GTF3C1: variants seen among roughly 807,000 people sequenced by gnomAD.
The protein encoded by GTF3C1 is general transcription factor IIIC subunit 1, also known as general transcription factor 3C polypeptide 1.
Under a neutral mutation model 226.7 loss-of-function variants are expected in GTF3C1, and 57 were observed. That is an observed-to-expected ratio of 0.25 (90% confidence interval 0.20 to 0.31). The LOEUF (loss-of-function observed/expected upper bound fraction) is 0.31, where lower values mean the gene tolerates loss of function less well. GTF3C1 is among the 10% of genes least tolerant of loss of function. The pLI is 1.00. For synonymous variants in GTF3C1, 1,090 were observed against 1,084.8 expected, an observed-to-expected ratio of 1.00 and a Z score of -0.09; for missense variants, 2,217 against 2,776.1, an observed-to-expected ratio of 0.80 and a Z score of 4.53.
At chr16:27,548,414 G>C (rs887725552) in intron 1 of GTF3C1, among the ~76,000 whole-genome samples, 2 of 152,076 alleles carry the variant, frequency 1.3e-5, no homozygotes, top group Non-Finnish European at 2.9e-5. Context: ...ATACAGGCAT[G>C]CGCCACCACG....
chr16:27,527,257 C>T (rs1352569089), intron 6 of GTF3C1, among the ~76,000 whole-genome samples: 1 of 152,258 alleles, frequency 6.6e-6, no homozygotes, highest in African/African-American at 2.4e-5. Context: ...TCTCAGCTCA[C>T]TGCAACCTCT....
chr16:27,503,131 G>C lies in GTF3C1; in HGVS notation c.1771-136C>G, dbSNP rs1283883476. On this transcript the variant is annotated intron_variant, in intron 10 of 36. Coordinates refer to ENST00000356183, the MANE Select transcript of GTF3C1 (RefSeq NM_001520.4). ...TTCAAGAAGGGAAGCCAAGAAGCCT[G>C]TTCTCCTACACAGAATCCCACTACT... 4 of 633,486 alleles carry C rather than the reference G, an allele frequency of 6.3e-6. No homozygotes were observed. In the East Asian group the frequency reaches 1.1e-4, roughly 17 times the overall value. The allele number at this position is 633,486 out of a possible 1,614,324, so 39.2% of individuals were successfully genotyped here. A position where few individuals can be genotyped will look rare whatever the true frequency, so the allele number is the denominator to read the frequency against.
intron 4 of GTF3C1, among the ~76,000 whole-genome samples, chr16:27,536,139 ATTTTC>A (rs2141451618): frequency 6.6e-6 from 1 of 152,332 alleles, no homozygotes; most frequent in Non-Finnish European, 1.5e-5. Flanking sequence ...TTGTAAACGT[ATTTTC>A]TTAATAACAT....
chr16:27,465,668 G>T, intron 32 of GTF3C1, 128 bp from the exon 33 acceptor site: 1 of 729,446 alleles, frequency 1.4e-6, no homozygotes, highest in African/African-American at 1.8e-5. Context: ...AGCCACAGGG[G>T]TCACCTGCTG....
intron 12 of GTF3C1, among the ~76,000 whole-genome samples, chr16:27,499,736 G>C (rs182052972): frequency 3.9e-5 from 6 of 152,312 alleles, no homozygotes; most frequent in African/African-American, 1.4e-4. Context: ...CAAAGGCAAG[G>C]GAGAAATATA....
intron 1 of GTF3C1, among the ~76,000 whole-genome samples, chr16:27,546,012 C>T: frequency 6.6e-6 from 1 of 152,086 alleles, no homozygotes; most frequent in East Asian, 1.9e-4. Context: ...CCACGCCCGG[C>T]TAATTTTGTA....
At chr16:27,491,050 T>C (rs992493880) in intron 19 of GTF3C1, among the ~76,000 whole-genome samples, 36 of 152,230 alleles carry the variant, frequency 2.4e-4, no homozygotes, top group African/African-American at 8.4e-4. Context: ...AAAATCTAAA[T>C]TGGCAAAAGC....
At position 27,463,484 on chromosome 16, in the gene GTF3C1, A is replaced by G. The variant is rs1325801528; in HGVS notation, c.5924+57T>C. 2 of 949,914 alleles carry G rather than the reference A, an allele frequency of 2.1e-6. No individual in the cohort carries two copies. The highest frequency in any genetic ancestry group is 2.4e-5 in the East Asian group (1 of 41,776). 58.8% of individuals were successfully genotyped at this position (949,914 alleles called of 1,614,324 possible). A position where few individuals can be genotyped will look rare whatever the true frequency, so the allele number is the denominator to read the frequency against. On this transcript the variant is annotated intron_variant, in intron 35 of 36. Transcript: ENST00000356183. This position sits in a 1 kb window ranked among gnomAD's most constrained non-coding sequence, Gnocchi z 4.9. The stretch of plus-strand genomic sequence containing the variant: ...CAAAGACCCTCACACAAATCCTTAC[A>G]CTCGGTCCCTGTCAAGAGCCCCGCC...
chr16:27,533,407 A>G lies in GTF3C1; in HGVS notation c.753-20T>C, dbSNP rs1302712470. 2.1e-6 allele frequency: 3 copies of G among 1,440,866 alleles called. No homozygotes were observed. Among genetic ancestry groups the G allele is most frequent in the Admixed American group, 3.4e-5 (2 of 59,404 alleles). 89.3% of individuals were successfully genotyped at this position (1,440,866 alleles called of 1,614,324 possible). On this transcript the variant is annotated intron_variant, in intron 4 of 36. Transcript: ENST00000356183. ...CTCCTCCTGCAAGAAACACCGAGCA[A>G]TTCGTTTTTTCAAACCTGTTGCTGA... is the stretch of plus-strand genomic sequence containing the variant.
At position 27,486,002 on chromosome 16, in the gene GTF3C1, T is replaced by C. The variant is rs760290875; in HGVS notation, c.3853A>G (p.Thr1285Ala). ...LCRIASNVLN[T>A]KVKGPFVTWQ... ...TGGGCTGGGCTGGTTGGTACCTTGGTGTTGAGGACATTGCTGGCAATGCGG... is the reference window on the plus strand; with the variant it reads ...TGGGCTGGGCTGGTTGGTACCTTGGCGTTGAGGACATTGCTGGCAATGCGG... Residue 1285 changes from threonine to alanine, a missense_variant, in exon 24 of 37, where the codon ACC becomes GCC. Thr to Ala is a moderately conservative substitution (Grantham distance 58). Coordinates refer to ENST00000356183, the MANE Select transcript of GTF3C1 (RefSeq NM_001520.4). 1 of 1,605,490 alleles carries C rather than the reference T, an allele frequency of 6.2e-7. No individual in the cohort carries two copies. Among genetic ancestry groups the C allele is most frequent in the African/African-American group, 1.3e-5 (1 of 74,642 alleles).
At chr16:27,498,542 A>T in intron 13 of GTF3C1, 88 bp downstream of exon 13, 1 of 777,738 alleles carries the variant, frequency 1.3e-6, no homozygotes, top group Non-Finnish European at 2.4e-6. Context: ...CCATGCAGGT[A>T]TAAAGAAAGG....
chr16:27,538,629 C>A (rs1392862054), intron 2 of GTF3C1, among the ~76,000 whole-genome samples: 1 of 152,168 alleles, frequency 6.6e-6, no homozygotes, highest in Non-Finnish European at 1.5e-5. Flanking sequence ...GGCGCTCAGG[C>A]CAAATCCAAC....
intron 4 of GTF3C1, among the ~76,000 whole-genome samples, chr16:27,536,110 CAA>C (rs1349078899): frequency 3.3e-5 from 5 of 152,210 alleles, no homozygotes; most frequent in African/African-American, 1.2e-4. Context: ...CTTATGGTAT[CAA>C]TAAATACAGT....
chr16:27,529,390 G>A (rs1036313370), intron 5 of GTF3C1, among the ~76,000 whole-genome samples: 3 of 150,740 alleles, frequency 2.0e-5, no homozygotes, highest in South Asian at 2.1e-4. Flanking sequence ...GTAATGGGCC[G>A]AGATTGCACC....
chr16:27,486,219 G>A, intron 23 of GTF3C1, 65 bp from the exon 24 acceptor site: 1 of 917,302 alleles, frequency 1.1e-6, no homozygotes, highest in Non-Finnish European at 1.7e-6. Flanking sequence ...TCACTCTGCA[G>A]AGGGGCAGGT....
intron 6 of GTF3C1, among the ~76,000 whole-genome samples, chr16:27,523,809 G>C (rs2088787496): frequency 6.6e-6 from 1 of 152,158 alleles, no homozygotes; most frequent in Non-Finnish European, 1.5e-5. Context: ...CATGAGCCCA[G>C]GTTTCCAGCC....
In GTF3C1 at chr16:27,461,603, C is replaced by T. The variant is rs770141291; in HGVS notation, c.6118-41G>A. On this transcript the variant is annotated intron_variant, in intron 36 of 36. Transcript: ENST00000356183. This position sits in a 1 kb window ranked among gnomAD's most constrained non-coding sequence, Gnocchi z 5.3. ...ACACAGGTTACAGCGGCACTGCCCT[C>T]GCCTGCTTGTTGATTTATTCTTCAA... The T allele has an allele frequency of 2.1e-6, 3 of 1,415,344 alleles. No individual in the cohort carries two copies. The highest frequency in any genetic ancestry group is 1.1e-5 in the South Asian group (1 of 86,972). 87.7% of individuals were successfully genotyped at this position (1,415,344 alleles called of 1,614,324 possible).
At position 27,465,363 on chromosome 16, in the gene GTF3C1, G is replaced by A; in HGVS notation, c.5252C>T (p.Ala1751Val). The A allele has an allele frequency of 6.2e-7, 1 of 1,614,086 alleles. No homozygotes were observed. Among genetic ancestry groups the A allele is most frequent in the South Asian group, 1.1e-5 (1 of 91,080 alleles). Residue 1751 changes from alanine (A) to valine (V), a missense_variant, in exon 33 of 37, where the codon GCC becomes GTC. By Grantham distance (64) the Ala-to-Val change is moderately conservative. Transcript: ENST00000356183. ...CTTGTCAATCCCAAAACAACCCGTG[G>A]CTATAATGGCTTCCAAGATCTCCAA... is the stretch of plus-strand genomic sequence containing the variant. ...AALEILEAII[A>V]TGCFGIDKEE...
At chr16:27,511,271 GC>G (rs999951986) in intron 7 of GTF3C1, among the ~76,000 whole-genome samples, 12 of 152,180 alleles carry the variant, frequency 7.9e-5, no homozygotes, top group African/African-American at 2.9e-4. Context: ...TGGAGCTGCA[GC>G]CCCCTCTTCT....
Sources: gnomAD v4.1 joint callset for allele counts (sites outside exome capture counted in the v4.1 genomes callset) on GRCh38, gnomAD v4.1.1 for gene constraint, Gnocchi (gnomAD v3.1) non-coding constraint, MANE v1.5 for transcripts, NCBI Gene and HGNC (gene_info 2026-07-23, HGNC 2026-07-21) for gene names.